The following SLC25A48 variants were observed in gnomAD, a reference collection of about 807,000 sequenced individuals.
The protein encoded by SLC25A48 is solute carrier family 25 member 48, also known as CTC-321K16.1.
SLC25A48 carries 29 observed loss-of-function variants against 32.2 expected under a neutral mutation model. The ratio of observed to expected loss-of-function variants is 0.90; its 90% confidence interval spans 0.67 to 1.23. The LOEUF (loss-of-function observed/expected upper bound fraction) is 1.23. SLC25A48 is among the 50% of genes most tolerant of loss of function. The pLI is 0.00. For synonymous variants in SLC25A48, 164 were observed against 172.3 expected (o/e 0.95, Z 0.38); for missense variants, 399 against 422.7 (o/e 0.94, Z 0.49).
chr5:135,657,219 C>A (rs1032345236), intron 3 of SLC25A48, among the ~76,000 whole-genome samples: 4 of 152,154 alleles, frequency 2.6e-5, no homozygotes, highest in Non-Finnish European at 4.4e-5. Flanking sequence ...CTAAATCATA[C>A]ATAGCAGGAG....
At chr5:135,588,650 C>T (rs1220427774) in intron 1 of SLC25A48, among the ~76,000 whole-genome samples, 7 of 152,168 alleles carry the variant, frequency 4.6e-5, no homozygotes, top group Admixed American at 3.3e-4. Context: ...GGAAATAGAC[C>T]TTGAAGGATG....
intron 3 of SLC25A48, among the ~76,000 whole-genome samples, chr5:135,729,453 A>C (rs921569368): frequency 4.6e-5 from 7 of 152,140 alleles, no homozygotes; most frequent in Non-Finnish European, 1.5e-5. Flanking sequence ...ATTTGTTAGA[A>C]TCCTCCATGA....
intron 3 of SLC25A48, among the ~76,000 whole-genome samples, chr5:135,750,776 C>A (rs551294561): frequency 5.3e-5 from 8 of 152,294 alleles, no homozygotes; most frequent in African/African-American, 1.9e-4. Flanking sequence ...CTAACTTTGC[C>A]CTCCTACGTG....
chr5:135,767,376 A>G (rs1194245100), intron 3 of SLC25A48, among the ~76,000 whole-genome samples: 1 of 151,398 alleles, frequency 6.6e-6, no homozygotes, highest in Non-Finnish European at 1.5e-5. Context: ...GGATAATATT[A>G]CTCCCCATAT....
At chr5:135,788,717 C>A (rs1344690655) in intron 3 of SLC25A48, among the ~76,000 whole-genome samples, 1 of 151,080 alleles carries the variant, frequency 6.6e-6, no homozygotes, top group East Asian at 2.0e-4. Flanking sequence ...ACATTATTCC[C>A]CATGTGGCGG....
intron 3 of SLC25A48, among the ~76,000 whole-genome samples, chr5:135,727,169 A>G (rs909587315): frequency 2.3e-5 from 3 of 131,694 alleles, no homozygotes; most frequent in Non-Finnish European, 3.3e-5. Flanking sequence ...TGTTTTTTAC[A>G]TATATAGCCA....
At chr5:135,586,103 G>T (rs1301624640) in intron 1 of SLC25A48, among the ~76,000 whole-genome samples, 1 of 152,212 alleles carries the variant, frequency 6.6e-6, no homozygotes, top group Admixed American at 6.5e-5. Flanking sequence ...AGAAGGTTAA[G>T]TATGTTGCCC....
chr5:135,680,822 T>C (rs1753878922), intron 3 of SLC25A48, among the ~76,000 whole-genome samples: 1 of 152,162 alleles, frequency 6.6e-6, no homozygotes, highest in East Asian at 1.9e-4. Flanking sequence ...CCAAACCATA[T>C]CAAGTCATTA....
At chr5:135,826,421 G>T (rs6596265) in intron 4 of SLC25A48, 5 of 152,072 alleles carry the variant, frequency 3.3e-5, no homozygotes, top group Non-Finnish European at 7.4e-5. Flanking sequence ...GGAGAGAAGT[G>T]TCCATCTTGT....
At chr5:135,852,536 G>T (rs761711624) in intron 3 of SLC25A48, 27 bp from the exon 4 acceptor site, 2 of 1,574,210 alleles carry the variant, frequency 1.3e-6, no homozygotes, top group Middle Eastern at 1.7e-4. Context: ...GGGTCCTCAC[G>T]CCTCTTCCTT....
intron 7 of SLC25A48, among the ~76,000 whole-genome samples, chr5:135,885,956 T>C (rs554166242): frequency 1.3e-5 from 2 of 152,256 alleles, no homozygotes; most frequent in African/African-American, 4.8e-5. Context: ...ATATATCGTA[T>C]ATGGGTAATT....
At chr5:135,749,740 C>T (rs1755726358) in intron 3 of SLC25A48, among the ~76,000 whole-genome samples, 1 of 152,134 alleles carries the variant, frequency 6.6e-6, no homozygotes, top group African/African-American at 2.4e-5. Flanking sequence ...TAGAGGCGCA[C>T]ACCACCACGC....
At chr5:135,736,073 G>C (rs570355840) in intron 3 of SLC25A48, among the ~76,000 whole-genome samples, 2 of 152,104 alleles carry the variant, frequency 1.3e-5, no homozygotes, top group Admixed American at 6.5e-5. Flanking sequence ...AGCAGCCTGG[G>C]GAGGAGGGGA....
intron 3 of SLC25A48, among the ~76,000 whole-genome samples, chr5:135,754,742 C>G (rs1234092212): frequency 6.6e-6 from 1 of 151,630 alleles, no homozygotes; most frequent in Non-Finnish European, 1.5e-5. Flanking sequence ...TGAAATATCG[C>G]TCTGGCATTT....
intron 6 of SLC25A48, chr5:135,875,894 A>G (rs1489485009): frequency 6.6e-6 from 1 of 152,252 alleles, no homozygotes; most frequent in African/African-American, 2.4e-5. Context: ...CTGGGAATGA[A>G]GAGCAGGATA....
At chr5:135,652,051 C>T (rs1261671539) in intron 3 of SLC25A48, among the ~76,000 whole-genome samples, 1 of 152,246 alleles carries the variant, frequency 6.6e-6, no homozygotes, top group Non-Finnish European at 1.5e-5. Flanking sequence ...AGCCTCTTCC[C>T]TCAGCCACCC....
intron 3 of SLC25A48, among the ~76,000 whole-genome samples, chr5:135,750,733 CT>C (rs1490517575): frequency 6.6e-6 from 1 of 152,158 alleles, no homozygotes; most frequent in Non-Finnish European, 1.5e-5. Context: ...GACCTCAATT[CT>C]TTCCCCCATC....
chr5:135,598,943 G>A (rs1207752799), intron 1 of SLC25A48, among the ~76,000 whole-genome samples: 1 of 152,160 alleles, frequency 6.6e-6, no homozygotes, highest in Admixed American at 6.5e-5. Flanking sequence ...AGAGGGGAGT[G>A]CAGCTGGGCT....
intron 3 of SLC25A48, among the ~76,000 whole-genome samples, chr5:135,658,791 C>T (rs1237318299): frequency 6.6e-6 from 1 of 152,210 alleles, no homozygotes; most frequent in Non-Finnish European, 1.5e-5. Context: ...TAGAAGCTGC[C>T]AAGGCTTGGG....
Sources: allele counts gnomAD v4.1 joint callset (sites outside exome capture counted in the v4.1 genomes callset), GRCh38; gene constraint gnomAD v4.1.1; transcripts MANE v1.5; gene names NCBI Gene and HGNC (gene_info 2026-07-23, HGNC 2026-07-21).